The following CRIM1 variants were observed in gnomAD, a reference collection of about 807,000 sequenced individuals.
CRIM1 encodes the protein cysteine-rich motor neuron 1 protein.
In CRIM1, 32 loss-of-function variants were observed where a neutral mutation model predicts 116.4. The observed-to-expected ratio is 0.27, with a 90% confidence interval of 0.21 to 0.37. CRIM1 has a LOEUF of 0.37. Ranked by LOEUF, CRIM1 falls within the 10% of genes least tolerant of loss-of-function variation. CRIM1 has a pLI of 1.00. For missense variants in CRIM1, 1,331 were observed against 1,354.8 expected (o/e 0.98, Z 0.28); for synonymous variants, 590 against 509.2 (o/e 1.16, Z -2.13).
At chr2:36,450,006 T>TTAAA (rs1339950285) in intron 4 of CRIM1, among the ~76,000 whole-genome samples, 1 of 152,142 alleles carries the variant, frequency 6.6e-6, no homozygotes, top group African/African-American at 2.4e-5. Flanking sequence ...GATTACGTAT[T>TTAAA]TGGTCAGTGG....
chr2:36,419,310 T>C (rs1402537865), intron 2 of CRIM1, among the ~76,000 whole-genome samples: 1 of 152,212 alleles, frequency 6.6e-6, no homozygotes, highest in Non-Finnish European at 1.5e-5. Flanking sequence ...CTTTGTCCTT[T>C]TGATTTACTT....
chr2:36,476,872 G>A lies in CRIM1; in HGVS notation c.992-17G>A, dbSNP rs1299225956. The A allele has an allele frequency of 1.3e-6, 2 of 1,598,762 alleles. No homozygotes were observed. The highest frequency in any genetic ancestry group is 1.1e-5 in the South Asian group (1 of 88,610). ...AAATGACTACAAATATGCCTTGTTTGTTTTAACTCTTTTCAGATACAAAGC... is the reference window on the plus strand; with the variant it reads ...AAATGACTACAAATATGCCTTGTTTATTTTAACTCTTTTCAGATACAAAGC... On this transcript the variant is annotated splice_polypyrimidine_tract_variant and intron_variant, in intron 5 of 16. Coordinates refer to ENST00000280527, the MANE Select transcript of CRIM1 (RefSeq NM_016441.3).
At chr2:36,404,508 C>T (rs1465344622) in intron 2 of CRIM1, among the ~76,000 whole-genome samples, 1 of 152,168 alleles carries the variant, frequency 6.6e-6, no homozygotes, top group Non-Finnish European at 1.5e-5. Flanking sequence ...TTTAGAGCTG[C>T]TTTAATTGTT....
In CRIM1 at chr2:36,425,849, G is replaced by T. The variant is rs535936709; in HGVS notation, c.506-15409G>T. On this transcript the variant is annotated intron_variant, in intron 2 of 16. Transcript: ENST00000280527. The stretch of plus-strand genomic sequence containing the variant: ...ACAGAGTAGAGCCTTGCAATTCATT[G>T]CTTTAACATTCATGAATTCAGTTAT... Among the ~76,000 whole-genome samples, 4 of 152,308 alleles carry T rather than the reference G, an allele frequency of 2.6e-5. No individual in the cohort carries two copies. The South Asian group carries it at 8.3e-4, about 32-fold the overall frequency.
intron 4 of CRIM1, among the ~76,000 whole-genome samples, chr2:36,448,199 C>T (rs528217004): frequency 6.6e-6 from 1 of 152,296 alleles, no homozygotes; most frequent in African/African-American, 2.4e-5. Flanking sequence ...ATTTTTAAAA[C>T]AAAACAAAGC....
intron 5 of CRIM1, among the ~76,000 whole-genome samples, chr2:36,474,464 G>C (rs149831611): frequency 6.6e-6 from 1 of 152,114 alleles, no homozygotes; most frequent in Non-Finnish European, 1.5e-5. Context: ...GTTGTATTTA[G>C]ATCATAACTC....
At chr2:36,500,789 G>A (rs138577487) in intron 8 of CRIM1, among the ~76,000 whole-genome samples, 19 of 152,346 alleles carry the variant, frequency 1.2e-4, no homozygotes, top group African/African-American at 4.3e-4. Flanking sequence ...TATACCTTGA[G>A]TAGAGTTATT....
chr2:36,395,223 C>A (rs781228730), intron 1 of CRIM1, among the ~76,000 whole-genome samples: 1 of 152,068 alleles, frequency 6.6e-6, no homozygotes, highest in African/African-American at 2.4e-5. Context: ...CCATGTTGGC[C>A]AGGCTGATGG....
chr2:36,494,258 T>C (rs1051574889), intron 7 of CRIM1, among the ~76,000 whole-genome samples: 2 of 152,192 alleles, frequency 1.3e-5, no homozygotes, highest in African/African-American at 4.8e-5. Flanking sequence ...CTAGGAAATA[T>C]GTGAGCATCA....
At chr2:36,456,185 G>GT (rs1359075820) in intron 4 of CRIM1, among the ~76,000 whole-genome samples, 1 of 152,058 alleles carries the variant, frequency 6.6e-6, no homozygotes, top group Admixed American at 6.5e-5. Flanking sequence ...CTCCCATTGT[G>GT]TTCTCATTTG....
At chr2:36,384,188 A>G (rs1273957830) in intron 1 of CRIM1, among the ~76,000 whole-genome samples, 1 of 152,242 alleles carries the variant, frequency 6.6e-6, no homozygotes, top group Non-Finnish European at 1.5e-5. Flanking sequence ...GGAGTGAACC[A>G]TGCACACACC....
intron 1 of CRIM1, among the ~76,000 whole-genome samples, chr2:36,363,716 G>A (rs969401240): frequency 6.6e-6 from 1 of 152,128 alleles, no homozygotes; most frequent in Non-Finnish European, 1.5e-5. Context: ...GAACCTAGAT[G>A]TGCTATAATC....
chr2:36,512,185 AT>A, intron 9 of CRIM1, 87 bp from the exon 10 acceptor site: 1 of 1,455,800 alleles, frequency 6.9e-7, no homozygotes, highest in Non-Finnish European at 9.5e-7. Flanking sequence ...TAATAGCAAT[AT>A]CACTTTATTG....
Position 36,547,039 on chromosome 2 carries a change from T to G in CRIM1, c.2802T>G (p.Asp934Glu), listed in dbSNP as rs1667398538. The G allele has an allele frequency of 6.2e-7, 1 of 1,610,568 alleles. No individual in the cohort carries two copies. The highest frequency in any genetic ancestry group is 8.5e-7 in the Non-Finnish European group (1 of 1,177,032). ...YRDNRLHPSEDSSLDSIASVV... is the reference protein window; with the variant it reads ...YRDNRLHPSEESSLDSIASVV... The stretch of plus-strand genomic sequence containing the variant: ...ATAACAGGCTGCACCCAAGTGAAGA[T>G]TCTTCACTGGACTCCATTGCCTCAG... Residue 934 changes from aspartate (D) to glutamate (E), a missense_variant, in exon 16 of 17, where the codon GAT (aspartate) becomes GAG (glutamate). This residue lies in a region of CRIM1 where 283 missense variants were observed against 242.8 expected (regional missense o/e 1.17). Transcript: ENST00000280527.
intron 4 of CRIM1, 46 bp from the exon 5 acceptor site, chr2:36,464,485 ATGT>A (rs753316997): frequency 2.5e-6 from 4 of 1,609,314 alleles, no homozygotes; most frequent in Non-Finnish European, 3.4e-6. Context: ...CCCGACTTCT[ATGT>A]TGTTGTTTAT....
In CRIM1 at chr2:36,473,973, C is replaced by CT. The variant is rs145451050; in HGVS notation, c.992-2915dup. ...GTGCTTTTACATCCTCACTAAAAAT[C>CT]TATGAGAATTCCAGTTTCTCCACAT... On this transcript the variant is annotated intron_variant, in intron 5 of 16. Transcript: ENST00000280527. Among the ~76,000 whole-genome samples the CT allele has an allele frequency of 9.4e-3, 1,438 of 152,244 alleles. 22 individuals are homozygous for CT. Among genetic ancestry groups the CT allele is most frequent in the African/African-American group, 0.033 (1,387 of 41,540 alleles).
chr2:36,498,695 G>A (rs1411360298), intron 7 of CRIM1, among the ~76,000 whole-genome samples: 3 of 152,116 alleles, frequency 2.0e-5, no homozygotes, highest in Non-Finnish European at 4.4e-5. Context: ...TACCATAAGT[G>A]AGGGAGTGCC....
intron 1 of CRIM1, among the ~76,000 whole-genome samples, chr2:36,381,346 C>A (rs1193344419): frequency 6.6e-6 from 1 of 151,968 alleles, no homozygotes; most frequent in Non-Finnish European, 1.5e-5. Flanking sequence ...ACACTGGGGG[C>A]GGGGCTGGCA....
chr2:36,544,568 A>G (rs1447773566), intron 15 of CRIM1, 70 bp downstream of exon 15: 5 of 1,300,096 alleles, frequency 3.8e-6, no homozygotes, highest in Non-Finnish European at 4.9e-6. Context: ...CTAATTTTTA[A>G]AATTTCCTAT....
Sources: gnomAD v4.1 joint callset for allele counts (sites outside exome capture counted in the v4.1 genomes callset) on GRCh38, gnomAD v4.1.1 for gene constraint, gnomAD v4.1.1 regional missense constraint, MANE v1.5 for transcripts, NCBI Gene and HGNC (gene_info 2026-07-23, HGNC 2026-07-21) for gene names.